Variants in R3HCC1L observed in about 807,000 individuals in gnomAD.
The protein encoded by R3HCC1L is R3H domain and coiled-coil containing 1 like, also known as coiled-coil domain-containing protein R3HCC1L.
R3HCC1L carries 51 observed loss-of-function variants against 59.9 expected under a neutral mutation model. That is an observed-to-expected ratio of 0.85 (90% CI 0.68 to 1.07). R3HCC1L has a LOEUF of 1.07. Among genes scored for constraint, R3HCC1L ranks in the 50% least tolerant of loss-of-function variants. R3HCC1L has a pLI of 0.00. For missense variants in R3HCC1L, 965 were observed against 933.0 expected (o/e 1.03, Z -0.45); for synonymous variants, 322 against 315.2 (o/e 1.02, Z -0.23).
intron 4 of R3HCC1L, among the ~76,000 whole-genome samples, chr10:98,194,485 A>G (rs1851209249): frequency 6.6e-6 from 1 of 152,180 alleles, no homozygotes; most frequent in South Asian, 2.1e-4. Flanking sequence ...AAAAACATAC[A>G]TCCAACTTAA....
Position 98,209,238 on chromosome 10 carries a change from C to T in R3HCC1L, c.1124C>T (p.Ala375Val), listed in dbSNP as rs542881265. 1.9e-6 allele frequency: 3 copies of T among 1,613,648 alleles called. No homozygotes were observed. Among genetic ancestry groups the T allele is most frequent in the Admixed American group, 1.7e-5 (1 of 59,984 alleles). The change falls in exon 5 of 10, where the codon GCA becomes GTA. Residue 375 changes from alanine (A) to valine (V), a missense_variant. Transcript: ENST00000298999. ...AATGTAGGTGACATTACCAATAAAG[C>T]ATGTATGATGGACACTACAGGTATG... ...FKNVGDITNK[A>V]CMMDTTGMSC...
At chr10:98,173,582 C>T (rs1421168441) in intron 4 of R3HCC1L, among the ~76,000 whole-genome samples, 1 of 152,120 alleles carries the variant, frequency 6.6e-6, no homozygotes, top group Non-Finnish European at 1.5e-5. Context: ...CAGGGGCTGT[C>T]CATCCGTCAC....
At chr10:98,235,050 G>A (rs1362239719) in intron 7 of R3HCC1L, among the ~76,000 whole-genome samples, 1 of 152,008 alleles carries the variant, frequency 6.6e-6, no homozygotes, top group East Asian at 1.9e-4. Flanking sequence ...ATTCTATAAA[G>A]GACCAAACAG....
intron 4 of R3HCC1L, among the ~76,000 whole-genome samples, chr10:98,204,622 C>T (rs1296260042): frequency 1.3e-5 from 2 of 152,102 alleles, no homozygotes; most frequent in Non-Finnish European, 1.5e-5. Context: ...CTCTTTTCCA[C>T]GGTTTTGCTT....
intron 1 of R3HCC1L, among the ~76,000 whole-genome samples, chr10:98,145,839 C>T (rs1564611037): frequency 6.6e-6 from 1 of 151,828 alleles, no homozygotes; most frequent in African/African-American, 2.4e-5. Flanking sequence ...ATCCCAGCTA[C>T]TCGGGAGGCT....
At chr10:98,176,555 T>A (rs1030256676) in intron 4 of R3HCC1L, among the ~76,000 whole-genome samples, 1 of 152,228 alleles carries the variant, frequency 6.6e-6, no homozygotes, top group East Asian at 1.9e-4. Flanking sequence ...ATAGAACTGC[T>A]TGTATCCTCA....
At chr10:98,242,846 C>G (rs1857687838) in intron 9 of R3HCC1L, among the ~76,000 whole-genome samples, 1 of 152,212 alleles carries the variant, frequency 6.6e-6, no homozygotes, top group African/African-American at 2.4e-5. Flanking sequence ...CTAAGAAATT[C>G]TGGAATCCAT....
intron 4 of R3HCC1L, among the ~76,000 whole-genome samples, chr10:98,193,097 TCAA>T (rs147474949): frequency 0.25 from 38,262 of 151,754 alleles, 5,916 homozygotes; most frequent in South Asian, 0.42. Flanking sequence ...ATAAAAACAC[TCAA>T]CAACCTAGGA....
chr10:98,203,739 A>G (rs985195603), intron 4 of R3HCC1L, among the ~76,000 whole-genome samples: 4 of 152,218 alleles, frequency 2.6e-5, no homozygotes, highest in African/African-American at 7.2e-5. Context: ...TCAATTTCTC[A>G]TGAAGATGAA....
At chr10:98,213,983 A>G (rs575593571) in intron 5 of R3HCC1L, among the ~76,000 whole-genome samples, 27 of 152,294 alleles carry the variant, frequency 1.8e-4, no homozygotes, top group South Asian at 6.2e-4. Flanking sequence ...TGTTCAATCC[A>G]TTAGTGAATG....
chr10:98,154,300 C>A (rs1174842697), intron 1 of R3HCC1L, among the ~76,000 whole-genome samples: 1 of 151,588 alleles, frequency 6.6e-6, no homozygotes, highest in Non-Finnish European at 1.5e-5. Flanking sequence ...AGCGTGTACA[C>A]GTGTCATTTT....
At chr10:98,175,367 T>G (rs998605747) in intron 4 of R3HCC1L, among the ~76,000 whole-genome samples, 1 of 152,132 alleles carries the variant, frequency 6.6e-6, no homozygotes, top group Non-Finnish European at 1.5e-5. Context: ...AGAGTACATT[T>G]TGTGAATTTT....
intron 5 of R3HCC1L, among the ~76,000 whole-genome samples, chr10:98,216,608 T>C (rs985257305): frequency 1.3e-5 from 2 of 152,172 alleles, no homozygotes; most frequent in African/African-American, 4.8e-5. Flanking sequence ...AGTCTCACTT[T>C]GTTGCCCAGG....
intron 4 of R3HCC1L, among the ~76,000 whole-genome samples, chr10:98,180,625 C>T (rs193015034): frequency 6.8e-4 from 104 of 152,180 alleles, no homozygotes; most frequent in African/African-American, 2.2e-3. Context: ...CCTTGTTAAC[C>T]TTCTGTCTCG....
intron 1 of R3HCC1L, among the ~76,000 whole-genome samples, chr10:98,134,955 C>A (rs1344706738): frequency 6.6e-6 from 1 of 152,292 alleles, no homozygotes; most frequent in East Asian, 1.9e-4. Flanking sequence ...CACTGGGGCT[C>A]GTGCTCGCTT....
intron 1 of R3HCC1L, among the ~76,000 whole-genome samples, chr10:98,139,861 A>C (rs1844973498): frequency 6.6e-6 from 1 of 150,708 alleles, no homozygotes; most frequent in African/African-American, 2.4e-5. Flanking sequence ...TTTTTTTTTA[A>C]TGCCAGATAT....
chr10:98,157,344 T>A (rs929045718), intron 2 of R3HCC1L, among the ~76,000 whole-genome samples: 9 of 152,234 alleles, frequency 5.9e-5, no homozygotes, highest in Non-Finnish European at 1.2e-4. Context: ...CGATAGATTT[T>A]AGGTTCAATA....
intron 4 of R3HCC1L, among the ~76,000 whole-genome samples, chr10:98,203,499 A>G (rs954462839): frequency 6.6e-6 from 1 of 152,242 alleles, no homozygotes; most frequent in Non-Finnish European, 1.5e-5. Context: ...TAGAAGAATG[A>G]ATAGTATGCT....
Position 98,206,559 on chromosome 10 carries a change from A to G in R3HCC1L, c.-14-1542A>G, listed in dbSNP as rs545727993. Among the ~76,000 whole-genome samples, 59 of 151,760 alleles carry G rather than the reference A, an allele frequency of 3.9e-4. 1 individual carries two copies. The highest frequency in any genetic ancestry group is 3.9e-3 in the Admixed American group (59 of 15,182). ...AAATTGTTGAATTTCAAAGGGCTATATAATCCTCCTTTAACTAATCTCTAA... is the reference window on the plus strand; with the variant it reads ...AAATTGTTGAATTTCAAAGGGCTATGTAATCCTCCTTTAACTAATCTCTAA... On this transcript the variant is annotated intron_variant, in intron 4 of 9. Coordinates refer to ENST00000298999, the MANE Select transcript of R3HCC1L (RefSeq NM_001351015.2).
Sources: allele counts gnomAD v4.1 joint callset (sites outside exome capture counted in the v4.1 genomes callset), GRCh38; gene constraint gnomAD v4.1.1; transcripts MANE v1.5; gene names NCBI Gene and HGNC (gene_info 2026-07-23, HGNC 2026-07-21).